STPG2: variants seen among roughly 807,000 people sequenced by gnomAD.
The protein encoded by STPG2 is sperm-tail PG-rich repeat-containing protein 2.
In STPG2, 56 loss-of-function variants were observed where a neutral mutation model predicts 54.2. The observed-to-expected ratio is 1.03, with a 90% CI of 0.83 to 1.29. The LOEUF (loss-of-function observed/expected upper bound fraction) is 1.29. Among genes scored for constraint, STPG2 ranks in the 50% most tolerant of loss-of-function variants. The pLI is 0.00. For synonymous variants in STPG2, 200 were observed against 181.8 expected (o/e 1.10, Z -0.81); for missense variants, 596 against 544.9 (o/e 1.09, Z -0.93).
intron 8 of STPG2, among the ~76,000 whole-genome samples, chr4:97,891,407 G>C (rs1181734872): frequency 1.3e-5 from 2 of 151,868 alleles, no homozygotes; most frequent in Non-Finnish European, 2.9e-5. Context: ...GACATTTTGA[G>C]AACAGTAATA....
chr4:97,525,626 CA>C (rs770911283), intron 4 of STPG2, among the ~76,000 whole-genome samples: 7 of 151,892 alleles, frequency 4.6e-5, no homozygotes, highest in Non-Finnish European at 8.8e-5. Flanking sequence ...AGGAGCCAAA[CA>C]AAAACTATTG....
At chr4:97,881,831 G>T (rs1228585457) in intron 8 of STPG2, among the ~76,000 whole-genome samples, 1 of 152,034 alleles carries the variant, frequency 6.6e-6, no homozygotes. Flanking sequence ...CTCCAAATCT[G>T]TTCACCCTTG....
At chr4:97,911,709 T>C (rs1378131141) in intron 8 of STPG2, among the ~76,000 whole-genome samples, 4 of 152,132 alleles carry the variant, frequency 2.6e-5, no homozygotes, top group Admixed American at 2.6e-4. Context: ...GAGCCCCTGG[T>C]GGGGAGAAGC....
intron 8 of STPG2, among the ~76,000 whole-genome samples, chr4:97,913,059 A>C (rs1030850796): frequency 6.6e-6 from 1 of 152,250 alleles, no homozygotes; most frequent in Non-Finnish European, 1.5e-5. Flanking sequence ...CTAACAACAT[A>C]ATAGGTATTT....
At chr4:97,841,131 T>C (rs1398763629) in intron 8 of STPG2, among the ~76,000 whole-genome samples, 199 bp from the exon 9 acceptor site, 3 of 151,692 alleles carry the variant, frequency 2.0e-5, no homozygotes, top group Non-Finnish European at 4.4e-5. Context: ...TTGCCAAAAT[T>C]AAAGTAAAAT....
chr4:97,887,157 C>T (rs115219121), intron 8 of STPG2, among the ~76,000 whole-genome samples: 2,001 of 152,112 alleles, frequency 0.013, 16 homozygotes, highest in Middle Eastern at 0.031. Context: ...AAAATTGGAA[C>T]CAGAAGTGGG....
intron 9 of STPG2, among the ~76,000 whole-genome samples, chr4:97,820,226 T>C (rs75939883): frequency 0.051 from 7,832 of 152,190 alleles, 286 homozygotes; most frequent in Non-Finnish European, 0.083. Flanking sequence ...GCAAACTTAA[T>C]CTATAAATGT....
downstream of STPG2, among the ~76,000 whole-genome samples, chr4:97,558,402 G>A (rs1175962130): frequency 6.6e-6 from 1 of 152,060 alleles, no homozygotes; most frequent in African/African-American, 2.4e-5. Context: ...CTGGTGATTC[G>A]CCCTTAAGGA....
chr4:98,115,542 C>T (rs914096244), intron 3 of STPG2, among the ~76,000 whole-genome samples: 7 of 151,856 alleles, frequency 4.6e-5, no homozygotes, highest in Non-Finnish European at 1.0e-4. Context: ...TGTATTTAAG[C>T]TTTATTAGAC....
intron 7 of STPG2, among the ~76,000 whole-genome samples, chr4:97,957,663 G>C (rs1407812073): frequency 6.6e-6 from 1 of 152,130 alleles, no homozygotes; most frequent in African/African-American, 2.4e-5. Flanking sequence ...TAAGAGCTGT[G>C]AGGCAGAAGC....
chr4:98,005,339 C>A (rs1735544724), intron 5 of STPG2, among the ~76,000 whole-genome samples: 2 of 152,170 alleles, frequency 1.3e-5, no homozygotes, highest in African/African-American at 4.8e-5. Flanking sequence ...TACTTTGCAT[C>A]CTTCAATCCA....
chr4:97,575,837 T>G (rs1463266367), intron 10 of STPG2, among the ~76,000 whole-genome samples: 2 of 152,144 alleles, frequency 1.3e-5, no homozygotes, highest in Admixed American at 1.3e-4. Flanking sequence ...CTCTTTTCAC[T>G]GACAATATGA....
chr4:98,093,029 A>G (rs1738736517), intron 5 of STPG2, among the ~76,000 whole-genome samples: 1 of 152,202 alleles, frequency 6.6e-6, no homozygotes, highest in African/African-American at 2.4e-5. Context: ...AAAGAGCCAA[A>G]GTATTGGCGC....
chr4:97,576,843 A>G (rs1449445921), intron 10 of STPG2, among the ~76,000 whole-genome samples: 1 of 152,174 alleles, frequency 6.6e-6, no homozygotes, highest in African/African-American at 2.4e-5. Flanking sequence ...TTCACAAATG[A>G]GGCATCTCAC....
chr4:98,143,143 T>G lies in STPG2; in HGVS notation c.8A>C (p.Asp3Ala), dbSNP rs774197649. Reference protein sequence around the residue: MYDRAPRLLKLAE... With the variant: MYARAPRLLKLAE... ...CAATTTGAGCAGGCGGGGAGCCCGATCATACATAGTGCTCGGGGTGGTGGG... is the reference window on the plus strand; with the variant it reads ...CAATTTGAGCAGGCGGGGAGCCCGAGCATACATAGTGCTCGGGGTGGTGGG... Residue 3 changes from aspartate to alanine, a missense_variant, in exon 1 of 11, where the codon GAT (aspartate) becomes GCT (alanine). Coordinates refer to ENST00000295268, the MANE Select transcript of STPG2 (RefSeq NM_174952.3). 1 of 1,612,940 alleles carries G rather than the reference T, an allele frequency of 6.2e-7. No homozygotes were observed. The highest frequency in any genetic ancestry group is 1.7e-5 in the Admixed American group (1 of 59,968).
At chr4:97,725,064 C>A (rs1398207332) in intron 9 of STPG2, among the ~76,000 whole-genome samples, 1 of 151,984 alleles carries the variant, frequency 6.6e-6, no homozygotes, top group Non-Finnish European at 1.5e-5. Flanking sequence ...TTTTGCCTAT[C>A]TCCCCCTACT....
At chr4:97,552,724 A>C (rs1290900234) in intron 4 of STPG2, among the ~76,000 whole-genome samples, 2 of 152,090 alleles carry the variant, frequency 1.3e-5, no homozygotes, top group African/African-American at 4.8e-5. Flanking sequence ...TTGATGGCAA[A>C]CTCTAATGTA....
At chr4:97,559,595 C>T (rs1236200793) in intron 10 of STPG2, among the ~76,000 whole-genome samples, 1 of 152,164 alleles carries the variant, frequency 6.6e-6, no homozygotes, top group African/African-American at 2.4e-5. Flanking sequence ...CAATTAATTT[C>T]CAGGCTTTTT....
chr4:97,575,034 C>T (rs1732689337), intron 10 of STPG2, among the ~76,000 whole-genome samples: 1 of 151,132 alleles, frequency 6.6e-6, no homozygotes, highest in Admixed American at 6.6e-5. Flanking sequence ...CTAGACAATT[C>T]AGAAAAAAAA....
Sources: allele counts gnomAD v4.1 joint callset (sites outside exome capture counted in the v4.1 genomes callset), GRCh38; gene constraint gnomAD v4.1.1; transcripts MANE v1.5; gene names NCBI Gene and HGNC (gene_info 2026-07-23, HGNC 2026-07-21).